SLC25A29: variants seen among roughly 807,000 people sequenced by gnomAD.
The protein encoded by SLC25A29 is solute carrier family 25 member 29, also known as mitochondrial basic amino acids transporter.
SLC25A29 carries 13 observed loss-of-function variants against 10.0 expected under a neutral mutation model. The ratio of observed to expected loss-of-function variants is 1.30; its 90% confidence interval spans 0.85 to 2.07. The LOEUF (loss-of-function observed/expected upper bound fraction) is 2.07, where lower values mean the gene tolerates loss of function less well. Among genes scored for constraint, SLC25A29 ranks in the 30% most tolerant of loss-of-function variants. The pLI is 0.00. For synonymous variants in SLC25A29, 244 were observed against 221.1 expected (o/e 1.10, Z -0.92); for missense variants, 475 against 447.6 (o/e 1.06, Z -0.55).
rs530303952 is a variant in SLC25A29, at chr14:100,296,833, T to C, written c.78+2009A>G. 4.7e-4 allele frequency among the ~76,000 whole-genome samples: 72 copies of C among 152,170 alleles called. No individual in the cohort carries two copies. The South Asian group carries it at 6.0e-3, about 13-fold the overall frequency. ...CAGGATGGTCTTGATCTCCTGACCT[T>C]GTGATCCGCCCGCCTCAGCCTCCAG... On this transcript the variant is annotated intron_variant, in intron 2 of 3. Transcript: ENST00000359232.
chr14:100,304,265 A>G (rs1027755679), intron 1 of SLC25A29, among the ~76,000 whole-genome samples: 1 of 152,134 alleles, frequency 6.6e-6, no homozygotes, highest in Non-Finnish European at 1.5e-5. Context: ...GTGTGACCCC[A>G]GCTGTGCCAG....
chr14:100,296,523 G>A (rs1473579676), intron 2 of SLC25A29: 1 of 159,730 alleles, frequency 6.3e-6, no homozygotes, highest in African/African-American at 2.4e-5. Flanking sequence ...GGCTGGCCAT[G>A]TTCTGTTTCT....
Position 100,292,968 on chromosome 14 carries a change from A to C in SLC25A29, c.227T>G (p.Val76Gly). ...GAGGGTGTTGCCCTGCACCCCGAAC[A>C]CCAGCGCGTTGATGAAGGTGAGCCC... is the stretch of plus-strand genomic sequence containing the variant. ...LMGLTFINAL[V>G]FGVQGNTLRA... Residue 76 changes from valine to glycine, a missense_variant, in exon 4 of 4, where the codon GTG (valine) becomes GGG (glycine). Physicochemically the swap from Val to Gly is moderately radical, Grantham distance 109. Transcript: ENST00000359232. 6.2e-7 allele frequency: 1 copy of C among 1,600,782 alleles called. No homozygotes were observed. Among genetic ancestry groups the C allele is most frequent in the South Asian group, 1.1e-5 (1 of 89,360 alleles).
chr14:100,299,451 G>A (rs1002613429), intron 1 of SLC25A29: 7 of 989,450 alleles, frequency 7.1e-6, no homozygotes, highest in Admixed American at 1.1e-4. Flanking sequence ...TGGGAGTGAC[G>A]ACCCCAGGTC....
intron 2 of SLC25A29, among the ~76,000 whole-genome samples, chr14:100,296,757 C>G (rs375480103): frequency 6.6e-6 from 1 of 152,178 alleles, no homozygotes; most frequent in Non-Finnish European, 1.5e-5. Flanking sequence ...CGCCACCACG[C>G]CCGGCTAATT....
intron 1 of SLC25A29, among the ~76,000 whole-genome samples, chr14:100,301,677 T>G (rs1892557327): frequency 6.6e-6 from 1 of 151,254 alleles, no homozygotes; most frequent in Non-Finnish European, 1.5e-5. Context: ...GCCTGGCTAA[T>G]TTTTTGCATA....
At chr14:100,299,181 C>A in intron 1 of SLC25A29, 1 of 1,300,130 alleles carries the variant, frequency 7.7e-7, no homozygotes, top group South Asian at 1.8e-5. Flanking sequence ...TGGCTGACAG[C>A]AGAAGTTGTC....
At chr14:100,290,622 G>A (rs921338013), downstream of SLC25A29, among the ~76,000 whole-genome samples, 1 of 152,232 alleles carries the variant, frequency 6.6e-6, no homozygotes, top group Non-Finnish European at 1.5e-5. Flanking sequence ...AGAACTGCAG[G>A]TGAGGTGGGC....
rs2139671443 is a variant in SLC25A29, at chr14:100,292,693, A to G, written c.502T>C (p.Tyr168His). 6.2e-7 allele frequency: 1 copy of G among 1,603,056 alleles called. No homozygotes were observed. Among genetic ancestry groups the G allele is most frequent in the East Asian group, 2.3e-5 (1 of 44,388 alleles). ...LLRETPSFGV[Y>H]FLTYDALTRA... ...GTGAGAGCGTCATAGGTGAGGAAGTAGACGCCGAAGCTGGGCGTCTCACGC... is the reference window on the plus strand; with the variant it reads ...GTGAGAGCGTCATAGGTGAGGAAGTGGACGCCGAAGCTGGGCGTCTCACGC... Residue 168 changes from tyrosine to histidine, a missense_variant, in exon 4 of 4, where the codon TAC becomes CAC. Physicochemically the swap from Tyr to His is moderately conservative, Grantham distance 83. Transcript: ENST00000359232.
the SLC25A29 span, among the ~76,000 whole-genome samples, chr14:100,284,335 A>T: frequency 6.6e-6 from 1 of 152,242 alleles, no homozygotes; most frequent in Admixed American, 6.5e-5. Flanking sequence ...GTTCTGGCGC[A>T]GTGGTGCCTC....
chr14:100,280,602 C>T, the SLC25A29 span: 2 of 151,926 alleles, frequency 1.3e-5, no homozygotes, highest in African/African-American at 2.4e-5. Flanking sequence ...TGAGGAAAAT[C>T]GGGATTTTTT....
At position 100,292,598 on chromosome 14, in the gene SLC25A29, T is replaced by A; in HGVS notation, c.597A>T (p.Ser199=). 5 of 1,604,388 alleles carry A rather than the reference T, an allele frequency of 3.1e-6. No individual in the cohort carries two copies. The highest frequency in any genetic ancestry group is 4.3e-6 in the Non-Finnish European group (5 of 1,176,456). The change falls in exon 4 of 4, where the codon TCA becomes TCT. Residue 199 remains serine, a synonymous_variant. Coordinates refer to ENST00000359232, the MANE Select transcript of SLC25A29 (RefSeq NM_001039355.3). ...AGGTAGAGAGCCAGGACACGATGCC[T>A]GACGTACCGCCCGCCAACAGCAGCT... The part of the protein sequence containing the change: ...VPKLLLAGGT[S]GIVSWLSTYP...
the SLC25A29 span, among the ~76,000 whole-genome samples, chr14:100,283,124 C>T: frequency 1.3e-5 from 2 of 152,224 alleles, no homozygotes; most frequent in Non-Finnish European, 2.9e-5. Context: ...CTGGAAGCTC[C>T]GGAGCTAACT....
intron 2 of SLC25A29, chr14:100,295,915 C>T (rs543122975): frequency 7.0e-6 from 9 of 1,289,692 alleles, no homozygotes; most frequent in East Asian, 5.5e-5. Context: ...GTGTGAAGGC[C>T]GTGTGCTTCA....
chr14:100,295,870 G>A, intron 2 of SLC25A29: 1 of 1,289,766 alleles, frequency 7.8e-7, no homozygotes, highest in Non-Finnish European at 1.0e-6. Flanking sequence ...CTGTGTCCAA[G>A]GAAGCAGGAC....
At chr14:100,306,144 G>T (rs1892930784) in intron 1 of SLC25A29, 55 bp downstream of exon 1, 2 of 1,329,986 alleles carry the variant, frequency 1.5e-6, no homozygotes, top group African/African-American at 1.5e-5. Flanking sequence ...CTGGTGGGCC[G>T]ACCTCCCTCC....
Position 100,306,412 on chromosome 14 carries a change from C to G in SLC25A29, c.-180G>C, listed in dbSNP as rs984321212. ...GTGGGGATGGCGGCAGCAGCTAGAC[C>G]CGCGCTGGTCCCTCGGCGGCAGCTG... is the stretch of plus-strand genomic sequence containing the variant. On this transcript the variant is annotated 5_prime_UTR_variant, in exon 1 of 4. Transcript: ENST00000359232. 4.5e-6 allele frequency: 2 copies of G among 443,810 alleles called. No homozygotes were observed. Among genetic ancestry groups the G allele is most frequent in the African/African-American group, 4.1e-5 (2 of 48,616 alleles). 27.5% of individuals were successfully genotyped at this position (443,810 alleles called of 1,614,324 possible).
chr14:100,298,499 T>C, intron 2 of SLC25A29: 1 of 387,534 alleles, frequency 2.6e-6, no homozygotes, highest in Non-Finnish European at 4.9e-6. Flanking sequence ...TGAGTTTTGG[T>C]TTTTTTTGTA....
chr14:100,291,847 GGT>G lies in SLC25A29; in HGVS notation c.*434_*435del, dbSNP rs1891718292. 2 of 242,874 alleles carry G rather than the reference GGT, an allele frequency of 8.2e-6. No individual in the cohort carries two copies. The highest frequency in any genetic ancestry group is 8.7e-5 in the South Asian group (2 of 22,868). The allele number at this position is 242,874 out of a possible 1,614,324, so 15.0% of individuals were successfully genotyped here. Reference sequence around the variant, plus strand: ...AGAGGGGTGGCCCACCACCCCCCCGGGTGGAGGATGTGTGGAGTTAGAGGTCC... The same window carrying G: ...AGAGGGGTGGCCCACCACCCCCCCGGGGAGGATGTGTGGAGTTAGAGGTCC... On this transcript the variant is annotated 3_prime_UTR_variant, in exon 4 of 4. Transcript: ENST00000359232.
Sources: allele counts gnomAD v4.1 joint callset (sites outside exome capture counted in the v4.1 genomes callset), GRCh38; gene constraint gnomAD v4.1.1; transcripts MANE v1.5; gene names NCBI Gene and HGNC (gene_info 2026-07-23, HGNC 2026-07-21).